Variants in NOBOX observed in about 807,000 individuals in gnomAD.
NOBOX encodes the protein NOBOX oogenesis homeobox.
NOBOX carries 46 observed loss-of-function variants against 60.2 expected under a neutral mutation model. The observed-to-expected ratio is 0.76, with a 90% CI of 0.60 to 0.98. The LOEUF (loss-of-function observed/expected upper bound fraction) is 0.98, where lower values mean the gene tolerates loss of function less well. Among genes scored for constraint, NOBOX ranks in the 50% least tolerant of loss-of-function variants. NOBOX has a pLI of 0.00. For missense variants in NOBOX, 880 were observed against 865.5 expected, an observed-to-expected ratio of 1.02 and a Z score of -0.21; for synonymous variants, 360 against 346.3, an observed-to-expected ratio of 1.04 and a Z score of -0.44.
chr7:144,399,706 G>T, intron 6 of NOBOX, 51 bp downstream of exon 4: 1 of 1,452,728 alleles, frequency 6.9e-7, no homozygotes, highest in Non-Finnish European at 9.5e-7. Flanking sequence ...ATCCCAGCTT[G>T]GACCCCACTT....
At chr7:144,399,309 C>T in intron 7 of NOBOX, 88 bp downstream of exon 5, 1 of 1,061,996 alleles carries the variant, frequency 9.4e-7, no homozygotes, top group South Asian at 1.4e-5. Flanking sequence ...CACTGGAGGA[C>T]TCCAGTCACT....
chr7:144,407,798 T>C (rs1169377124), intron 1 of NOBOX, among the ~76,000 whole-genome samples: 1 of 152,234 alleles, frequency 6.6e-6, no homozygotes, highest in African/African-American at 2.4e-5. Flanking sequence ...GAATTAGCGT[T>C]GTAACTTCTA....
rs75518402 is a variant in NOBOX, at chr7:144,405,364, C to T, written c.86-684G>A. ...TTTGGTGGCGACATGGTAAATGGAA[C>T]CCAGGCACGTCCTTGCTCACAGAAG... On this transcript the variant is annotated intron_variant, in intron 1 of 9. Transcript: ENST00000467773. Among the ~76,000 whole-genome samples, 3 of 152,236 alleles carry T rather than the reference C, an allele frequency of 2.0e-5. No individual in the cohort carries two copies. The East Asian group carries it at 5.8e-4, about 29-fold the overall frequency.
chr7:144,399,335 C>A, intron 7 of NOBOX, 62 bp downstream of exon 5: 1 of 1,272,994 alleles, frequency 7.9e-7, no homozygotes, highest in Non-Finnish European at 1.1e-6. Context: ...CTCCATCAAA[C>A]AAGGCCTGTC....
chr7:144,398,689 T>C (rs961732494), intron 8 of NOBOX, 103 bp from the exon 7 acceptor site: 9 of 831,132 alleles, frequency 1.1e-5, no homozygotes, highest in Non-Finnish European at 1.7e-5. Flanking sequence ...CTCATCTCCA[T>C]GGTAAGCCCA....
chr7:144,410,173 T>TG lies in NOBOX; in HGVS notation c.54dup (p.Arg19GlnfsTer18), dbSNP rs1563133056. 6.4e-7 allele frequency: 1 copy of TG among 1,571,124 alleles called. No individual in the cohort carries two copies. Among genetic ancestry groups the TG allele is most frequent in the South Asian group, 1.2e-5 (1 of 85,320 alleles). On this transcript the variant is annotated frameshift_variant, in exon 1 of 10. Transcript: ENST00000467773. LOFTEE classifies it high-confidence loss of function. ...TGGGCTTTGAAGCCATCCTTGTCTC[T>TG]GGTGTCCCAGGTACCCTCCAGGTCT...
chr7:144,404,629 T>G lies in NOBOX; in HGVS notation c.137A>C (p.Tyr46Ser). Residue 46 changes from tyrosine (Y) to serine (S), a missense_variant, in exon 2 of 10, where the codon TAC becomes TCC. Transcript: ENST00000467773. Reference sequence around the variant, plus strand: ...GGAGCTGAAAGAGCCACAGACTCCGTAGATCCGGTACAGTCCACACACAGG... The same window carrying G: ...GGAGCTGAAAGAGCCACAGACTCCGGAGATCCGGTACAGTCCACACACAGG... 1 of 1,613,948 alleles carries G rather than the reference T, an allele frequency of 6.2e-7. No individual in the cohort carries two copies. The highest frequency in any genetic ancestry group is 1.1e-5 in the South Asian group (1 of 91,076).
chr7:144,397,230 G>A (rs2053898831), downstream of NOBOX: 1 of 1,520,842 alleles, frequency 6.6e-7, no homozygotes. Flanking sequence ...TTCACTCTTT[G>A]ACCCCCCAAC....
chr7:144,400,054 C>T (rs1396447766), intron 5 of NOBOX, 152 bp downstream of exon 3: 1 of 1,552,834 alleles, frequency 6.4e-7, no homozygotes, highest in East Asian at 2.3e-5. Flanking sequence ...CAGGCTGTGG[C>T]ACTCTGGAAA....
At position 144,398,403 on chromosome 7, in the gene NOBOX, A is replaced by C; in HGVS notation, c.1653T>G (p.Leu551=). 1 of 1,537,206 alleles carries C rather than the reference A, an allele frequency of 6.5e-7. No homozygotes were observed. The highest frequency in any genetic ancestry group is 8.7e-7 in the Non-Finnish European group (1 of 1,146,894). Residue 551 remains leucine, a synonymous_variant, in exon 9 of 10, where the codon CTT becomes CTG. Transcript: ENST00000467773. ...TAAAGAGAGAGTCTTCGGGCGGTGG[A>C]AGCGTCAGTGAACTGGGCATGGAGA...
chr7:144,399,558 C>A, intron 6 of NOBOX, 76 bp from the exon 5 acceptor site: 1 of 1,291,222 alleles, frequency 7.7e-7, no homozygotes, highest in South Asian at 1.3e-5. Flanking sequence ...CCAGGAGAGA[C>A]ACCAATTCCC....
At position 144,404,727 on chromosome 7, in the gene NOBOX, C is replaced by T. The variant is rs763016217; in HGVS notation, c.86-47G>A. ...CTGTGTTTCCATCCATTTGGTGTTTCGATTTTATTCTCTGAGAATGGAAGG... is the reference window on the plus strand; with the variant it reads ...CTGTGTTTCCATCCATTTGGTGTTTTGATTTTATTCTCTGAGAATGGAAGG... On this transcript the variant is annotated intron_variant, in intron 1 of 9. Transcript: ENST00000467773. 5.0e-6 allele frequency: 8 copies of T among 1,600,476 alleles called. No individual in the cohort carries two copies. In the Admixed American group the frequency reaches 1.0e-4, roughly 21 times the overall value.
chr7:144,399,654 C>G (rs1473775169), intron 6 of NOBOX, 103 bp downstream of exon 4: 5 of 1,195,056 alleles, frequency 4.2e-6, no homozygotes, highest in Admixed American at 4.0e-5. Context: ...AACCCTAGGA[C>G]TCATGCCTAG....
In NOBOX at chr7:144,401,013, G is replaced by T. The variant is rs778269813; in HGVS notation, c.844+33C>A. The stretch of plus-strand genomic sequence containing the variant: ...CCCACCTTTCCCCAGGATGACCCCA[G>T]ATCTCTTCGGTTTCCTCTCTTTAGG... On this transcript the variant is annotated intron_variant, in intron 4 of 9. Transcript: ENST00000467773. This position sits in a 1 kb window ranked among gnomAD's most constrained non-coding sequence, Gnocchi z 4.2. 3.4e-6 allele frequency: 5 copies of T among 1,478,186 alleles called. No individual in the cohort carries two copies. The highest frequency in any genetic ancestry group is 4.5e-6 in the Non-Finnish European group (5 of 1,111,728). The allele number at this position is 1,478,186 out of a possible 1,614,324, so 91.6% of individuals were successfully genotyped here. A position where few individuals can be genotyped will look rare whatever the true frequency, so the allele number is the denominator to read the frequency against.
rs574958937 is a variant in NOBOX, at chr7:144,404,941, G to GGA, written c.86-262_86-261insTC. Among the ~76,000 whole-genome samples the GGA allele has an allele frequency of 1.9e-3, 292 of 152,248 alleles. 2 individuals are homozygous for GGA. Among genetic ancestry groups the GGA allele is most frequent in the African/African-American group, 6.9e-3 (286 of 41,534 alleles). On this transcript the variant is annotated intron_variant, in intron 1 of 9. Coordinates refer to ENST00000467773, the MANE Select transcript of NOBOX (RefSeq NM_001080413.3). ...CTTGGAGCTGGGTGGGGAGCGGGGC[G>GGA]GCCTGGAACAGAATCCAGGTGTTTT...
Position 144,401,961 on chromosome 7 carries a change from A to G in NOBOX, c.211-11T>C, listed in dbSNP as rs1204383562. 9 of 1,595,894 alleles carry G rather than the reference A, an allele frequency of 5.6e-6. No individual in the cohort carries two copies. Among genetic ancestry groups the G allele is most frequent in the Non-Finnish European group, 6.0e-6 (7 of 1,164,122 alleles). ...GGGATCATGTTGGGGCTGCGGATGG[A>G]CCAGGAAGACAAAGAGAAACAGATT... is the stretch of plus-strand genomic sequence containing the variant. On this transcript the variant is annotated splice_polypyrimidine_tract_variant and intron_variant, in intron 2 of 9. Coordinates refer to ENST00000467773, the MANE Select transcript of NOBOX (RefSeq NM_001080413.3). This position sits in a 1 kb window ranked among gnomAD's most constrained non-coding sequence, Gnocchi z 4.2.
At chr7:144,403,661 C>G (rs1425784973) in intron 2 of NOBOX, 9 of 700,910 alleles carry the variant, frequency 1.3e-5, no homozygotes, top group Admixed American at 1.0e-4. Context: ...ACTCACCCAG[C>G]GGTCCCTGGC....
At chr7:144,409,057 A>G (rs2054004753) in intron 1 of NOBOX, among the ~76,000 whole-genome samples, 1 of 152,228 alleles carries the variant, frequency 6.6e-6, no homozygotes, top group African/African-American at 2.4e-5. Flanking sequence ...TTACAACTGC[A>G]TGTGAATCTA....
chr7:144,400,241 C>T lies in NOBOX; in HGVS notation c.916G>A (p.Ala306Thr). ...TGGGGGGTCACCCCCACCGTCTGGGCAATCTCTCGGCGTTTATCACTGTCA... is the reference window on the plus strand; with the variant it reads ...TGGGGGGTCACCCCCACCGTCTGGGTAATCTCTCGGCGTTTATCACTGTCA... The change falls in exon 5 of 10, where the codon GCC (alanine) becomes ACC (threonine). Residue 306 changes from alanine to threonine, a missense_variant. Physicochemically the swap from Ala to Thr is moderately conservative, Grantham distance 58. Transcript: ENST00000467773. 1 of 1,614,086 alleles carries T rather than the reference C, an allele frequency of 6.2e-7. No individual in the cohort carries two copies. Among genetic ancestry groups the T allele is most frequent in the Non-Finnish European group, 8.5e-7 (1 of 1,179,904 alleles).
Sources: allele counts gnomAD v4.1 joint callset (sites outside exome capture counted in the v4.1 genomes callset), GRCh38; gene constraint gnomAD v4.1.1; non-coding constraint Gnocchi (gnomAD v3.1); transcripts MANE v1.5; gene names NCBI Gene and HGNC (gene_info 2026-07-23, HGNC 2026-07-21).